The following PXDNL variants were observed in gnomAD, a reference collection of about 807,000 sequenced individuals.
PXDNL encodes peroxidasin like, also known as probable oxidoreductase PXDNL.
A neutral mutation model predicts 150.8 loss-of-function variants in PXDNL; 145 were observed. The ratio of observed to expected loss-of-function variants is 0.96; its 90% CI spans 0.84 to 1.10. The LOEUF (loss-of-function observed/expected upper bound fraction) is 1.10, where lower values mean the gene tolerates loss of function less well. PXDNL is among the 50% of genes least tolerant of loss of function. The pLI, the probability that PXDNL is intolerant of heterozygous loss-of-function variation, is 0.00. For synonymous variants in PXDNL, 757 were observed against 725.7 expected (o/e 1.04, Z -0.69); for missense variants, 2,087 against 1,873.9 (o/e 1.11, Z -2.10).
chr8:51,786,315 T>C (rs1046592070), intron 1 of PXDNL, among the ~76,000 whole-genome samples: 10 of 152,062 alleles, frequency 6.6e-5, no homozygotes, highest in Admixed American at 5.9e-4. Context: ...CTCCAGCGAT[T>C]CTCCTGCCTT....
At chr8:51,601,656 CT>C (rs1210273883) in intron 2 of PXDNL, among the ~76,000 whole-genome samples, 1 of 151,926 alleles carries the variant, frequency 6.6e-6, no homozygotes, top group African/African-American at 2.4e-5. Flanking sequence ...GATGGGTCTT[CT>C]TTTTTTATCC....
intron 1 of PXDNL, among the ~76,000 whole-genome samples, chr8:51,787,942 G>T (rs2129253504): frequency 6.6e-6 from 1 of 152,302 alleles, no homozygotes; most frequent in South Asian, 2.1e-4. Context: ...TCAGTCAGCA[G>T]CCATCAACAG....
At chr8:51,492,572 C>A (rs1200055908) in intron 5 of PXDNL, among the ~76,000 whole-genome samples, 1 of 152,142 alleles carries the variant, frequency 6.6e-6, no homozygotes, top group Non-Finnish European at 1.5e-5. Flanking sequence ...GAAAATCAGG[C>A]CACTCCCACC....
At chr8:51,785,458 G>A (rs2037452195) in intron 1 of PXDNL, among the ~76,000 whole-genome samples, 3 of 152,214 alleles carry the variant, frequency 2.0e-5, no homozygotes, top group Admixed American at 2.0e-4. Flanking sequence ...ACAACCTGAA[G>A]GTCTGTGGCA....
chr8:51,592,993 G>T (rs778208255), intron 2 of PXDNL, among the ~76,000 whole-genome samples: 1 of 152,096 alleles, frequency 6.6e-6, no homozygotes, highest in Non-Finnish European at 1.5e-5. Flanking sequence ...CATCTAAAAA[G>T]AAAATTATCA....
chr8:51,486,687 A>G (rs1810744754), intron 5 of PXDNL, among the ~76,000 whole-genome samples: 1 of 137,532 alleles, frequency 7.3e-6, no homozygotes, highest in South Asian at 2.4e-4. Flanking sequence ...CTGCTTGTAG[A>G]TGACTTTGAT....
intron 14 of PXDNL, among the ~76,000 whole-genome samples, chr8:51,413,912 T>G (rs1808721079): frequency 6.6e-6 from 1 of 152,114 alleles, no homozygotes; most frequent in Admixed American, 6.5e-5. Context: ...ACAGTTCATA[T>G]CAGAGAAATA....
chr8:51,610,461 C>G (rs538738291), intron 2 of PXDNL, among the ~76,000 whole-genome samples: 2 of 152,048 alleles, frequency 1.3e-5, no homozygotes, highest in African/African-American at 4.8e-5. Flanking sequence ...ATAGATAGAC[C>G]TTTCCCTCTC....
intron 1 of PXDNL, among the ~76,000 whole-genome samples, chr8:51,725,779 C>T (rs550462378): frequency 8.3e-4 from 127 of 152,326 alleles, no homozygotes; most frequent in African/African-American, 2.7e-3. Flanking sequence ...AGGTGTTTTG[C>T]GTTCTGCAAG....
At chr8:51,598,942 A>AT (rs954884809) in intron 2 of PXDNL, among the ~76,000 whole-genome samples, 1 of 151,934 alleles carries the variant, frequency 6.6e-6, no homozygotes, top group African/African-American at 2.4e-5. Context: ...CAGTATTTCA[A>AT]TTTTTTCCTG....
At chr8:51,337,075 C>T (rs2130666820) in intron 21 of PXDNL, among the ~76,000 whole-genome samples, 1 of 152,252 alleles carries the variant, frequency 6.6e-6, no homozygotes, top group South Asian at 2.1e-4. Context: ...ATGGAAGAGA[C>T]AGACAATTAA....
chr8:51,573,012 A>G (rs898819439), intron 3 of PXDNL, among the ~76,000 whole-genome samples: 21 of 152,032 alleles, frequency 1.4e-4, no homozygotes, highest in Admixed American at 3.9e-4. Context: ...TTTCAAACTT[A>G]GAGATGAACA....
intron 2 of PXDNL, among the ~76,000 whole-genome samples, chr8:51,598,038 A>C (rs1193597802): frequency 6.6e-6 from 1 of 152,092 alleles, no homozygotes; most frequent in Non-Finnish European, 1.5e-5. Flanking sequence ...TAATTTGGCT[A>C]TCAGCTTGAA....
At chr8:51,449,246 G>A in intron 10 of PXDNL, 128 bp from the exon 11 acceptor site, 6 of 608,486 alleles carry the variant, frequency 9.9e-6, no homozygotes, top group Non-Finnish European at 1.7e-5. Flanking sequence ...TATAAACAAG[G>A]TTATAAAGAG....
chr8:51,533,465 A>C (rs73584811), intron 4 of PXDNL, among the ~76,000 whole-genome samples: 4,136 of 147,456 alleles, frequency 0.028, 220 homozygotes, highest in African/African-American at 0.1. Flanking sequence ...ACACTGTTTA[A>C]AGTTTGAGAA....
At chr8:51,644,438 G>GTA (rs1370245448) in intron 2 of PXDNL, among the ~76,000 whole-genome samples, 7 of 142,070 alleles carry the variant, frequency 4.9e-5, no homozygotes, top group African/African-American at 1.0e-4. Context: ...ATATGTGTGT[G>GTA]TATATATATA....
At chr8:51,601,814 GGGTC>G (rs1813728858) in intron 2 of PXDNL, among the ~76,000 whole-genome samples, 1 of 151,188 alleles carries the variant, frequency 6.6e-6, no homozygotes, top group Non-Finnish European at 1.5e-5. Context: ...TTTTAATGTA[GGGTC>G]TGTAGGCTAT....
chr8:51,623,135 G>C (rs533260071), intron 2 of PXDNL, among the ~76,000 whole-genome samples: 2 of 152,246 alleles, frequency 1.3e-5, no homozygotes, highest in East Asian at 3.9e-4. Context: ...ACTACCCAAA[G>C]GGCCTCTTTC....
At chr8:51,429,093 A>C (rs866230903) in intron 12 of PXDNL, among the ~76,000 whole-genome samples, 5 of 152,340 alleles carry the variant, frequency 3.3e-5, no homozygotes, top group African/African-American at 1.2e-4. Flanking sequence ...TAAAGATCAG[A>C]AGTCATTAGG....
Sources: gnomAD v4.1 joint callset for allele counts (sites outside exome capture counted in the v4.1 genomes callset) on GRCh38, gnomAD v4.1.1 for gene constraint, MANE v1.5 for transcripts, NCBI Gene and HGNC (gene_info 2026-07-23, HGNC 2026-07-21) for gene names.